The following MTX3 variants were observed in gnomAD, a reference collection of about 807,000 sequenced individuals.
MTX3 encodes the protein metaxin 3.
MTX3 carries 27 observed loss-of-function variants against 42.5 expected under a neutral mutation model. That is an observed-to-expected ratio of 0.64 (90% CI 0.47 to 0.88). The LOEUF (loss-of-function observed/expected upper bound fraction) is 0.88, where lower values mean the gene tolerates loss of function less well. Ranked by LOEUF, MTX3 falls within the 40% of genes least tolerant of loss-of-function variation. The pLI, the probability that MTX3 is intolerant of heterozygous loss-of-function variation, is 0.00. For missense variants in MTX3, 378 were observed against 367.0 expected, an observed-to-expected ratio of 1.03 and a Z score of -0.25; for synonymous variants, 144 against 132.9, an observed-to-expected ratio of 1.08 and a Z score of -0.57.
Position 79,988,996 on chromosome 5 carries a change from C to A in MTX3, c.321+156G>T, listed in dbSNP as rs1831562800. On this transcript the variant is annotated intron_variant, in intron 4 of 8. Transcript: ENST00000512528. Reference sequence around the variant, plus strand: ...TGTTGTTTCACATACTAGTTGAATGCCTAACAGAATCCAGTTTCACAGTAA... The same window carrying A: ...TGTTGTTTCACATACTAGTTGAATGACTAACAGAATCCAGTTTCACAGTAA... Among the ~76,000 whole-genome samples, 3 of 152,256 alleles carry A rather than the reference C, an allele frequency of 2.0e-5. No homozygotes were observed. In the South Asian group the frequency reaches 6.2e-4, roughly 32 times the overall value.
At chr5:79,989,066 G>T in intron 4 of MTX3, 86 bp downstream of exon 4, 2 of 921,292 alleles carry the variant, frequency 2.2e-6, no homozygotes, top group Non-Finnish European at 3.2e-6. Context: ...TTTCTCTTAA[G>T]ACTTTTCTCA....
Position 79,977,133 on chromosome 5 carries a change from G to A in MTX3, c.*6551C>T, listed in dbSNP as rs1831268818. On this transcript the variant is annotated 3_prime_UTR_variant, in exon 9 of 9. Coordinates refer to ENST00000512528, the MANE Select transcript of MTX3 (RefSeq NM_001363818.2). ...CCCACTTCAAAATGAACAGAAAAAT[G>A]GAAAAACATTATTTCCCATTTCATA... The A allele has an allele frequency of 6.6e-6, 1 of 152,096 alleles. No homozygotes were observed. Among genetic ancestry groups the A allele is most frequent in the Non-Finnish European group, 1.5e-5 (1 of 68,012 alleles). 9.4% of individuals were successfully genotyped at this position (152,096 alleles called of 1,614,324 possible).
intron 8 of MTX3, among the ~76,000 whole-genome samples, chr5:79,985,196 T>C (rs1216495839): frequency 1.3e-5 from 2 of 152,112 alleles, no homozygotes; most frequent in Admixed American, 1.3e-4. Context: ...TAAGCCAGGA[T>C]GGTCTCGATC....
At position 79,983,805 on chromosome 5, in the gene MTX3, T is replaced by C; in HGVS notation, c.829-11A>G. On this transcript the variant is annotated splice_polypyrimidine_tract_variant and intron_variant, in intron 8 of 8. Transcript: ENST00000512528. ...AAGATTGTCATCCATCTGTAGAAAG[T>C]ACAAAAGATACATCTGACTAATGCT... The C allele has an allele frequency of 6.4e-7, 1 of 1,567,822 alleles. No homozygotes were observed. Among genetic ancestry groups the C allele is most frequent in the Non-Finnish European group, 8.8e-7 (1 of 1,138,894 alleles).
At chr5:79,985,142 C>T (rs891520920) in intron 8 of MTX3, among the ~76,000 whole-genome samples, 2 of 152,160 alleles carry the variant, frequency 1.3e-5, no homozygotes, top group East Asian at 1.9e-4. Flanking sequence ...CCACCATGCC[C>T]GGCTAATTTT....
At chr5:79,990,029 A>G in intron 3 of MTX3, 131 bp downstream of exon 3, 2 of 501,354 alleles carry the variant, frequency 4.0e-6, no homozygotes, top group African/African-American at 2.0e-5. Flanking sequence ...TCTCAAATCT[A>G]TTTTTACATC....
Position 79,990,599 on chromosome 5 carries a change from G to A in MTX3, c.146C>T (p.Ser49Leu), listed in dbSNP as rs1428562644. ...VNVIDNTWRG[S>L]RGDVPILTTE... ...TGTAAAGGTTTACACTATACCTCTT[G>A]AACCTCTCCAGGTGTTATCTATCAC... The change falls in exon 2 of 9, where the codon TCA (serine) becomes TTA (leucine). Residue 49 changes from serine to leucine, a missense_variant. Physicochemically the swap from Ser to Leu is moderately radical, Grantham distance 145. Transcript: ENST00000512528. 6.2e-7 allele frequency: 1 copy of A among 1,605,228 alleles called. No individual in the cohort carries two copies.
Position 79,991,158 on chromosome 5 carries a change from C to T in MTX3, c.81G>A (p.Met27Ile). The change falls in exon 1 of 9, where the codon ATG becomes ATA. Residue 27 changes from methionine (M) to isoleucine (I), a missense_variant and splice_region_variant. Physicochemically the swap from Met to Ile is conservative, Grantham distance 10 (BLOSUM62 1). Transcript: ENST00000512528. Reference protein sequence around the residue: ...PSVHSESLVVMAYAKFSGAPL... With the variant: ...PSVHSESLVVIAYAKFSGAPL... ...GCCCTGGCCCGCGAGGCGGCCTCAC[C>T]ATCACCACCAGGGACTCGCTGTGAA... is the stretch of plus-strand genomic sequence containing the variant. 5 of 1,542,212 alleles carry T rather than the reference C, an allele frequency of 3.2e-6. No individual in the cohort carries two copies. In the South Asian group the frequency reaches 6.0e-5, roughly 19 times the overall value.
rs1831401241 is a variant in MTX3, at chr5:79,982,727, A to C, written c.*957T>G. 1 of 222,870 alleles carries C rather than the reference A, an allele frequency of 4.5e-6. No individual in the cohort carries two copies. Among genetic ancestry groups the C allele is most frequent in the Non-Finnish European group, 9.1e-6 (1 of 109,876 alleles). The allele number at this position is 222,870 out of a possible 1,614,324, so 13.8% of individuals were successfully genotyped here. A position where few individuals can be genotyped will look rare whatever the true frequency, so the allele number is the denominator to read the frequency against. On this transcript the variant is annotated 3_prime_UTR_variant, in exon 9 of 9. Coordinates refer to ENST00000512528, the MANE Select transcript of MTX3 (RefSeq NM_001363818.2). ...TTGACTACATGATATGCATCTTATG[A>C]AAGAATATGCATCTTATGAAAGAAT...
chr5:79,989,516 T>C (rs973606057), intron 3 of MTX3, among the ~76,000 whole-genome samples: 4 of 152,198 alleles, frequency 2.6e-5, no homozygotes, highest in African/African-American at 4.8e-5. Context: ...GTGCATGGCA[T>C]GTAGTACAAA....
chr5:79,982,293 C>T lies in MTX3; in HGVS notation c.*1391G>A. The T allele has an allele frequency of 2.7e-6, 1 of 372,576 alleles. No homozygotes were observed. The highest frequency in any genetic ancestry group is 2.0e-5 in the South Asian group (1 of 49,802). The allele number at this position is 372,576 out of a possible 1,614,324, so 23.1% of individuals were successfully genotyped here. On this transcript the variant is annotated 3_prime_UTR_variant, in exon 9 of 9. Transcript: ENST00000512528. ...GACTTAAAGACTCTTGTATAAATAA[C>T]TACCTAAATACAGAACAAATTGGGA... is the stretch of plus-strand genomic sequence containing the variant.
rs980482286 is a variant in MTX3 at position 79,982,708 on chromosome 5, A to G, written c.*976T>C. ...ATTGGTTGTCAGAAAGCTTTTGACT[A>G]CATGATATGCATCTTATGAAAGAAT... On this transcript the variant is annotated 3_prime_UTR_variant, in exon 9 of 9. Coordinates refer to ENST00000512528, the MANE Select transcript of MTX3 (RefSeq NM_001363818.2). 4.3e-6 allele frequency: 1 copy of G among 234,496 alleles called. No individual in the cohort carries two copies. 14.5% of individuals were successfully genotyped at this position (234,496 alleles called of 1,614,324 possible). A position where few individuals can be genotyped will look rare whatever the true frequency, so the allele number is the denominator to read the frequency against.
rs1831398609 is a variant in MTX3, at chr5:79,982,642, C to G, written c.*1042G>C. ...TTAAAAGCTGCTATTTCTGATTGTT[C>G]CTTTGTATTCTTCGACTATAAGTGA... On this transcript the variant is annotated 3_prime_UTR_variant, in exon 9 of 9. Coordinates refer to ENST00000512528, the MANE Select transcript of MTX3 (RefSeq NM_001363818.2). The G allele has an allele frequency of 4.4e-6, 1 of 227,566 alleles. No homozygotes were observed. The highest frequency in any genetic ancestry group is 2.3e-5 in the African/African-American group (1 of 43,626). 14.1% of individuals were successfully genotyped at this position (227,566 alleles called of 1,614,324 possible). A position where few individuals can be genotyped will look rare whatever the true frequency, so the allele number is the denominator to read the frequency against.
chr5:79,989,827 C>A (rs545249242), intron 3 of MTX3, among the ~76,000 whole-genome samples: 1 of 152,086 alleles, frequency 6.6e-6, no homozygotes, highest in Non-Finnish European at 1.5e-5. Context: ...AGGTGTCATG[C>A]CCAGCACAAA....
chr5:79,991,030 G>C, intron 1 of MTX3, 128 bp downstream of exon 1: 1 of 1,002,912 alleles, frequency 1.0e-6, no homozygotes, highest in Non-Finnish European at 1.5e-6. Flanking sequence ...AGGGAGCCCA[G>C]GGCAATGCAG....
chr5:79,987,164 G>C (rs1330869803), intron 6 of MTX3, 57 bp from the exon 7 acceptor site: 1 of 1,527,262 alleles, frequency 6.5e-7, no homozygotes, highest in East Asian at 2.3e-5. Flanking sequence ...TGAAGGCCGG[G>C]TGTGGTGGCT....
intron 6 of MTX3, 81 bp from the exon 7 acceptor site, chr5:79,987,188 C>A: frequency 9.8e-6 from 13 of 1,327,514 alleles, no homozygotes; most frequent in South Asian, 1.3e-5. Context: ...GCCTGTAATC[C>A]CAGTACTTTG....
chr5:79,982,204 C>G lies in MTX3; in HGVS notation c.*1480G>C. ...ACTTTCCCTCATCCAAACAGATGAC[C>G]AAGATTTTGAAGACTACCTTATTTC... On this transcript the variant is annotated 3_prime_UTR_variant, in exon 9 of 9. Coordinates refer to ENST00000512528, the MANE Select transcript of MTX3 (RefSeq NM_001363818.2). The G allele has an allele frequency of 3.5e-6, 1 of 289,286 alleles. No individual in the cohort carries two copies. Among genetic ancestry groups the G allele is most frequent in the Middle Eastern group, 1.2e-3 (1 of 804 alleles). The allele number at this position is 289,286 out of a possible 1,614,324, so 17.9% of individuals were successfully genotyped here. A position where few individuals can be genotyped will look rare whatever the true frequency, so the allele number is the denominator to read the frequency against.
intron 6 of MTX3, 114 bp from the exon 7 acceptor site, chr5:79,987,221 AC>A (rs1831515709): frequency 1.2e-6 from 1 of 825,140 alleles, no homozygotes; most frequent in African/African-American, 1.7e-5. Flanking sequence ...GGGGCAGATC[AC>A]TTGAGGTCAG....
Sources: allele counts gnomAD v4.1 joint callset (sites outside exome capture counted in the v4.1 genomes callset), GRCh38; gene constraint gnomAD v4.1.1; transcripts MANE v1.5; gene names NCBI Gene and HGNC (gene_info 2026-07-23, HGNC 2026-07-21).